The following TSHZ2 variants were observed in gnomAD, a reference collection of about 807,000 sequenced individuals.
TSHZ2 encodes teashirt zinc finger homeobox 2.
TSHZ2 carries 21 observed loss-of-function variants against 74.4 expected under a neutral mutation model. The ratio of observed to expected loss-of-function variants is 0.28; its 90% CI spans 0.20 to 0.41. TSHZ2 has a LOEUF of 0.41. Ranked by LOEUF, TSHZ2 falls within the 10% of genes least tolerant of loss-of-function variation. TSHZ2 has a pLI of 1.00. For missense variants in TSHZ2, 1,244 were observed against 1,293.5 expected (o/e 0.96, Z 0.59); for synonymous variants, 540 against 515.3 (o/e 1.05, Z -0.65).
chr20:53,340,678 CT>C lies in TSHZ2; in HGVS notation c.*8+84108del, dbSNP rs1164829456. On this transcript the variant is annotated intron_variant, in intron 2 of 2. Coordinates refer to ENST00000371497, the MANE Select transcript of TSHZ2 (RefSeq NM_173485.6). ...CTTCACAGTTTCACTTAGATTCTGTCTCTTCCAGGACGTCCTCTCTTATTTC... is the reference window on the plus strand; with the variant it reads ...CTTCACAGTTTCACTTAGATTCTGTCCTTCCAGGACGTCCTCTCTTATTTC... 2.0e-5 allele frequency among the ~76,000 whole-genome samples: 3 copies of C among 152,320 alleles called. No individual in the cohort carries two copies. The East Asian group carries it at 5.8e-4, about 29-fold the overall frequency.
intron 2 of TSHZ2, among the ~76,000 whole-genome samples, chr20:53,434,004 G>A (rs1983947425): frequency 6.6e-6 from 1 of 152,152 alleles, no homozygotes; most frequent in South Asian, 2.1e-4. Flanking sequence ...AAGTAGCTGG[G>A]ACTACAGGCA....
At chr20:53,223,776 G>T (rs1433619316) in intron 1 of TSHZ2, among the ~76,000 whole-genome samples, 3 of 152,102 alleles carry the variant, frequency 2.0e-5, no homozygotes, top group South Asian at 4.1e-4. Flanking sequence ...AAAGAAAGGG[G>T]GAGGTAGCTG....
intron 2 of TSHZ2, among the ~76,000 whole-genome samples, chr20:53,376,926 C>T (rs1981678282): frequency 6.6e-6 from 1 of 152,216 alleles, no homozygotes; most frequent in African/African-American, 2.4e-5. Flanking sequence ...AATCACAGGC[C>T]TAGGCCAAAT....
At chr20:53,144,752 C>T (rs771189103) in intron 1 of TSHZ2, among the ~76,000 whole-genome samples, 25 of 151,968 alleles carry the variant, frequency 1.6e-4, no homozygotes, top group Non-Finnish European at 3.4e-4. Context: ...CTATGTTCCT[C>T]GTACTATGAG....
intron 1 of TSHZ2, among the ~76,000 whole-genome samples, chr20:53,138,261 G>A (rs1722029999): frequency 1.3e-5 from 2 of 152,036 alleles, no homozygotes; most frequent in African/African-American, 2.4e-5. Context: ...GTGGGCGCCT[G>A]TAGTCCCAGC....
intron 1 of TSHZ2, among the ~76,000 whole-genome samples, chr20:53,227,195 G>A (rs16997769): frequency 0.047 from 7,062 of 151,460 alleles, 205 homozygotes; most frequent in African/African-American, 0.07. Flanking sequence ...TATGAGATCC[G>A]GAGAAACCCA....
At chr20:53,134,989 C>T (rs950794312) in intron 1 of TSHZ2, among the ~76,000 whole-genome samples, 1 of 117,730 alleles carries the variant, frequency 8.5e-6, no homozygotes, top group Non-Finnish European at 1.7e-5. Flanking sequence ...CACACACACA[C>T]ACATACATGC....
chr20:53,313,967 T>G (rs898819302), intron 2 of TSHZ2, among the ~76,000 whole-genome samples: 7 of 152,152 alleles, frequency 4.6e-5, no homozygotes, highest in African/African-American at 1.7e-4. Context: ...TTCCATTATA[T>G]TCTACATTGT....
intron 2 of TSHZ2, among the ~76,000 whole-genome samples, chr20:53,305,898 A>C (rs1978518552): frequency 6.6e-6 from 1 of 151,862 alleles, no homozygotes; most frequent in Non-Finnish European, 1.5e-5. Context: ...GAATTGCTTG[A>C]ACCCGGGAGG....
At chr20:53,261,797 C>T (rs1460643532) in intron 2 of TSHZ2, among the ~76,000 whole-genome samples, 2 of 152,118 alleles carry the variant, frequency 1.3e-5, no homozygotes, top group Admixed American at 1.3e-4. Context: ...AATCCATGAG[C>T]GACAGGGAGT....
intron 1 of TSHZ2, among the ~76,000 whole-genome samples, chr20:53,156,077 GCT>G (rs1987787155): frequency 6.6e-6 from 1 of 152,114 alleles, no homozygotes; most frequent in South Asian, 2.1e-4. Context: ...GAGTGTGCAA[GCT>G]CTCCAGCTTG....
At chr20:53,179,087 C>G (rs1000303283) in intron 1 of TSHZ2, 2 of 151,846 alleles carry the variant, frequency 1.3e-5, no homozygotes, top group Non-Finnish European at 2.9e-5. Flanking sequence ...CAGTCCAAAT[C>G]TTTCTCATTG....
chr20:53,379,830 G>C (rs1195657168), intron 2 of TSHZ2, among the ~76,000 whole-genome samples: 4 of 152,138 alleles, frequency 2.6e-5, no homozygotes, highest in Admixed American at 2.6e-4. Flanking sequence ...ACATATCTGT[G>C]ATTAAAACCC....
chr20:53,350,779 T>C (rs1600824605), intron 2 of TSHZ2, among the ~76,000 whole-genome samples: 1 of 152,200 alleles, frequency 6.6e-6, no homozygotes, highest in African/African-American at 2.4e-5. Context: ...TTCACCAATA[T>C]CCCACCTGGA....
rs546428112 is a variant in TSHZ2 at position 53,250,569 on chromosome 20, G to A, written c.41-2930G>A. On this transcript the variant is annotated intron_variant, in intron 1 of 2. Coordinates refer to ENST00000371497, the MANE Select transcript of TSHZ2 (RefSeq NM_173485.6). ...AGATGTTTGGCACTTTTTGTATGAG[G>A]CTTTTCAATGCCTTACCTTATCCAG... is the stretch of plus-strand genomic sequence containing the variant. 3.9e-5 allele frequency among the ~76,000 whole-genome samples: 6 copies of A among 152,218 alleles called. No individual in the cohort carries two copies. The East Asian group carries it at 9.6e-4, about 24-fold the overall frequency.
chr20:52,981,071 A>T (rs540145189), intron 1 of TSHZ2, among the ~76,000 whole-genome samples: 15 of 152,354 alleles, frequency 9.8e-5, no homozygotes, highest in African/African-American at 3.4e-4. Context: ...TGCGTTTTAT[A>T]TCAGAATTGC....
At chr20:53,157,002 G>A (rs944126908) in intron 1 of TSHZ2, among the ~76,000 whole-genome samples, 2 of 152,110 alleles carry the variant, frequency 1.3e-5, no homozygotes, top group African/African-American at 4.8e-5. Context: ...CCTTTCAGCT[G>A]CTTGTGCCAT....
At chr20:53,145,733 T>TG (rs943885617) in intron 1 of TSHZ2, among the ~76,000 whole-genome samples, 1 of 152,190 alleles carries the variant, frequency 6.6e-6, no homozygotes, top group Non-Finnish European at 1.5e-5. Flanking sequence ...TTGCCCTGTA[T>TG]GGGAACAGCC....
intron 1 of TSHZ2, among the ~76,000 whole-genome samples, chr20:53,203,193 T>G (rs1278407382): frequency 1.2e-5 from 1 of 80,198 alleles, no homozygotes; most frequent in Non-Finnish European, 2.2e-5. Flanking sequence ...AGACTCAAAT[T>G]TTTTTTTTTT....
Sources: gnomAD v4.1 joint callset for allele counts (sites outside exome capture counted in the v4.1 genomes callset) on GRCh38, gnomAD v4.1.1 for gene constraint, MANE v1.5 for transcripts, NCBI Gene and HGNC (gene_info 2026-07-23, HGNC 2026-07-21) for gene names.